Variants in PTPRD observed in about 807,000 individuals in gnomAD.
PTPRD encodes protein tyrosine phosphatase receptor type D, also known as receptor-type tyrosine-protein phosphatase delta.
Under a neutral mutation model 214.5 loss-of-function variants are expected in PTPRD, and 34 were observed. The ratio of observed to expected loss-of-function variants is 0.16; its 90% confidence interval spans 0.12 to 0.21. The LOEUF is 0.21. Among genes scored for constraint, PTPRD ranks in the 10% least tolerant of loss-of-function variants. The pLI, the probability that PTPRD is intolerant of heterozygous loss-of-function variation, is 1.00. For missense variants in PTPRD, 2,545 were observed against 2,398.7 expected (o/e 1.06, Z -1.27); for synonymous variants, 1,128 against 845.7 (o/e 1.33, Z -5.79).
intron 2 of PTPRD, among the ~76,000 whole-genome samples, chr9:10,395,490 G>GA (rs1246133557): frequency 3.3e-5 from 5 of 151,714 alleles, no homozygotes; most frequent in South Asian, 2.1e-4. Flanking sequence ...TATCATTACT[G>GA]AAAAAAACTT....
At chr9:9,518,610 T>G (rs564427793) in intron 8 of PTPRD, among the ~76,000 whole-genome samples, 2 of 152,162 alleles carry the variant, frequency 1.3e-5, no homozygotes, top group African/African-American at 2.4e-5. Context: ...CATGGAGGAA[T>G]AGCAAAAACC....
intron 2 of PTPRD, among the ~76,000 whole-genome samples, chr9:10,430,835 T>C (rs2098670565): frequency 6.6e-6 from 1 of 152,114 alleles, no homozygotes; most frequent in Admixed American, 6.6e-5. Flanking sequence ...ATCATACCCC[T>C]TTTTTATCCC....
intron 4 of PTPRD, among the ~76,000 whole-genome samples, chr9:9,959,381 G>T (rs1043941019): frequency 1.3e-5 from 2 of 152,122 alleles, no homozygotes; most frequent in Non-Finnish European, 2.9e-5. Context: ...AGGACTTTTA[G>T]AACAGCAAAA....
chr9:8,865,782 C>G (rs1309541383), intron 11 of PTPRD, among the ~76,000 whole-genome samples: 1 of 152,076 alleles, frequency 6.6e-6, no homozygotes, highest in African/African-American at 2.4e-5. Flanking sequence ...TGAGACTGTG[C>G]TGAAAGGTAC....
chr9:9,883,668 T>C (rs1347097517), intron 5 of PTPRD, among the ~76,000 whole-genome samples: 1 of 152,134 alleles, frequency 6.6e-6, no homozygotes, highest in Non-Finnish European at 1.5e-5. Context: ...TTTGGTGACA[T>C]ACAACCACTG....
At chr9:10,221,308 T>A (rs1246768609) in intron 3 of PTPRD, among the ~76,000 whole-genome samples, 2 of 152,004 alleles carry the variant, frequency 1.3e-5, no homozygotes, top group Admixed American at 1.3e-4. Context: ...CACACACATA[T>A]ACGCAAACAC....
chr9:10,272,271 A>G (rs2094462783), intron 3 of PTPRD, among the ~76,000 whole-genome samples: 1 of 152,196 alleles, frequency 6.6e-6, no homozygotes, highest in Admixed American at 6.5e-5. Context: ...TCATCTTGTA[A>G]CATGTATCAG....
At chr9:8,807,573 T>A (rs2096712694) in intron 11 of PTPRD, among the ~76,000 whole-genome samples, 1 of 151,842 alleles carries the variant, frequency 6.6e-6, no homozygotes, top group African/African-American at 2.4e-5. Flanking sequence ...ATTTTATTTG[T>A]GAATGGTTAA....
chr9:9,688,911 G>T (rs1564554798), intron 7 of PTPRD, among the ~76,000 whole-genome samples: 1 of 151,702 alleles, frequency 6.6e-6, no homozygotes. Context: ...CTAATAGATG[G>T]ATATGTGAAT....
intron 12 of PTPRD, among the ~76,000 whole-genome samples, chr9:8,674,433 G>C (rs1009587645): frequency 7.9e-6 from 1 of 126,124 alleles, no homozygotes; most frequent in African/African-American, 3.1e-5. Flanking sequence ...ACTCCAGCCT[G>C]GTGGCAGAGC....
intron 3 of PTPRD, among the ~76,000 whole-genome samples, chr9:10,203,652 T>A (rs2099445959): frequency 6.6e-6 from 1 of 152,144 alleles, no homozygotes; most frequent in Admixed American, 6.5e-5. Flanking sequence ...TTCCAAGAAA[T>A]AAAGATCCTT....
intron 11 of PTPRD, among the ~76,000 whole-genome samples, chr9:8,871,196 ACAAAT>A (rs1371565790): frequency 2.0e-5 from 3 of 152,190 alleles, no homozygotes; most frequent in African/African-American, 7.2e-5. Context: ...TACAACCAAA[ACAAAT>A]AAACTGCATA....
intron 7 of PTPRD, among the ~76,000 whole-genome samples, chr9:9,607,731 G>T (rs2094256475): frequency 7.1e-6 from 1 of 141,494 alleles, no homozygotes; most frequent in African/African-American, 2.7e-5. Flanking sequence ...ATAATACAAA[G>T]AATAGACTGT....
intron 10 of PTPRD, among the ~76,000 whole-genome samples, chr9:9,161,371 T>C (rs989972829): frequency 5.9e-5 from 9 of 152,112 alleles, no homozygotes; most frequent in African/African-American, 1.7e-4. Flanking sequence ...GGAGATAAAA[T>C]TGGAGATCTA....
At chr9:10,500,865 G>C (rs2043460929) in intron 2 of PTPRD, among the ~76,000 whole-genome samples, 1 of 151,758 alleles carries the variant, frequency 6.6e-6, no homozygotes, top group African/African-American at 2.4e-5. Flanking sequence ...CCATGTTATT[G>C]CGACCGACAG....
chr9:8,359,999 T>A (rs890759079), intron 39 of PTPRD, among the ~76,000 whole-genome samples: 6 of 152,212 alleles, frequency 3.9e-5, no homozygotes, highest in Admixed American at 3.9e-4. Flanking sequence ...AGGAGGCTAC[T>A]CTCCAGGTTG....
At position 10,509,859 on chromosome 9, in the gene PTPRD, T is replaced by C. The variant is rs145073443; in HGVS notation, c.-600+102539A>G. 3.4e-3 allele frequency among the ~76,000 whole-genome samples: 512 copies of C among 152,020 alleles called. 2 individuals are homozygous for C. The highest frequency in any genetic ancestry group is 0.012 in the African/African-American group (499 of 41,502). ...ACCAACTCATATATATACAGGTATATATTTATTCCTCTATTTATCTGTATA... is the reference window on the plus strand; with the variant it reads ...ACCAACTCATATATATACAGGTATACATTTATTCCTCTATTTATCTGTATA... On this transcript the variant is annotated intron_variant, in intron 2 of 45. Coordinates refer to ENST00000381196, the MANE Select transcript of PTPRD (RefSeq NM_002839.4).
intron 10 of PTPRD, among the ~76,000 whole-genome samples, chr9:9,163,625 A>C (rs2099895147): frequency 6.6e-6 from 1 of 151,974 alleles, no homozygotes; most frequent in Non-Finnish European, 1.5e-5. Flanking sequence ...TGCACCTATG[A>C]GAATACAGTT....
chr9:8,335,486 C>T (rs1035059272), intron 43 of PTPRD, among the ~76,000 whole-genome samples: 10 of 152,118 alleles, frequency 6.6e-5, no homozygotes, highest in African/African-American at 2.2e-4. Context: ...ACTGATGGAA[C>T]GTATCTCAAA....
Sources: gnomAD v4.1 joint callset for allele counts (sites outside exome capture counted in the v4.1 genomes callset) on GRCh38, gnomAD v4.1.1 for gene constraint, MANE v1.5 for transcripts, NCBI Gene and HGNC (gene_info 2026-07-23, HGNC 2026-07-21) for gene names.